ABHD6: variants seen among roughly 807,000 people sequenced by gnomAD.
ABHD6 encodes abhydrolase domain containing 6, acylglycerol lipase.
In ABHD6, 33 loss-of-function variants were observed where a neutral mutation model predicts 38.8. The observed-to-expected ratio is 0.85, with a 90% CI of 0.64 to 1.14. The LOEUF (loss-of-function observed/expected upper bound fraction) is 1.14. Among genes scored for constraint, ABHD6 ranks in the 50% most tolerant of loss-of-function variants. The pLI is 0.00. For missense variants in ABHD6, 380 were observed against 422.6 expected, an observed-to-expected ratio of 0.90 and a Z score of 0.88; for synonymous variants, 147 against 161.6, an observed-to-expected ratio of 0.91 and a Z score of 0.69.
intron 9 of ABHD6, among the ~76,000 whole-genome samples, chr3:58,291,241 GGCAGTGTGCACCTGCAATC>G (rs2097462568): frequency 6.6e-6 from 1 of 150,994 alleles, no homozygotes; most frequent in Non-Finnish European, 1.5e-5. Context: ...AGTCAGGCGT[GGCAGTGTGCACCTGCAATC>G]GCAGGCACTC....
chr3:58,264,414 C>T lies in ABHD6; in HGVS notation c.120-2775C>T, dbSNP rs1056032433. On this transcript the variant is annotated intron_variant, in intron 3 of 9. Coordinates refer to ENST00000478253, the MANE Select transcript of ABHD6 (RefSeq NM_001320126.2). The stretch of plus-strand genomic sequence containing the variant: ...ACACACACACACACACACACACACA[C>T]ACACACACACACACACACACACACA... Among the ~76,000 whole-genome samples, 20 of 134,186 alleles carry T rather than the reference C, an allele frequency of 1.5e-4. 1 individual carries two copies. The highest frequency in any genetic ancestry group is 1.3e-3 in the Admixed American group (18 of 14,144). The allele number at this position is 134,186 out of a possible 152,430, so 88.0% of individuals were successfully genotyped here. A position where few individuals can be genotyped will look rare whatever the true frequency, so the allele number is the denominator to read the frequency against.
At chr3:58,291,112 A>G (rs1390238453) in intron 9 of ABHD6, among the ~76,000 whole-genome samples, 2 of 150,852 alleles carry the variant, frequency 1.3e-5, no homozygotes, top group African/African-American at 4.9e-5. Flanking sequence ...TGAACCAGAC[A>G]CCGTCTGCAA....
intron 1 of ABHD6, among the ~76,000 whole-genome samples, chr3:58,242,723 G>A (rs1038536802): frequency 5.9e-5 from 9 of 151,636 alleles, no homozygotes; most frequent in African/African-American, 2.2e-4. Flanking sequence ...TCTTTTTATT[G>A]TTATTATTAT....
Position 58,256,357 on chromosome 3 carries a change from T to A in ABHD6, c.-25-205T>A, listed in dbSNP as rs76515349. Reference sequence around the variant, plus strand: ...TGTCCTTTATAATGTTTTTTTTTTTTACAAATCCAGGCTCCTCTGAAAAGT... The same window carrying A: ...TGTCCTTTATAATGTTTTTTTTTTTAACAAATCCAGGCTCCTCTGAAAAGT... On this transcript the variant is annotated intron_variant, in intron 2 of 9. Coordinates refer to ENST00000478253, the MANE Select transcript of ABHD6 (RefSeq NM_001320126.2). The surrounding 1 kb of genome is among the most constrained non-coding windows in gnomAD (Gnocchi z 4.3). 1.4e-5 allele frequency among the ~76,000 whole-genome samples: 2 copies of A among 140,164 alleles called. No individual in the cohort carries two copies. Among genetic ancestry groups the A allele is most frequent in the Admixed American group, 7.2e-5 (1 of 13,982 alleles). 92.0% of individuals were successfully genotyped at this position (140,164 alleles called of 152,430 possible).
intron 5 of ABHD6, 47 bp from the exon 6 acceptor site, chr3:58,270,885 T>C (rs2097444340): frequency 7.1e-6 from 11 of 1,540,324 alleles, no homozygotes; most frequent in Non-Finnish European, 9.6e-6. Context: ...ACCATTGCCA[T>C]TGTCTACAGC....
intron 1 of ABHD6, among the ~76,000 whole-genome samples, chr3:58,239,546 C>T (rs1394422811): frequency 1.3e-5 from 2 of 152,114 alleles, no homozygotes; most frequent in Non-Finnish European, 2.9e-5. Context: ...TTTGCCTTTT[C>T]GACACATTCT....
chr3:58,268,679 T>A (rs1327916890), intron 4 of ABHD6, among the ~76,000 whole-genome samples: 2 of 151,852 alleles, frequency 1.3e-5, no homozygotes, highest in African/African-American at 4.9e-5. Flanking sequence ...CATGCCTTGA[T>A]GAACTTCCTG....
chr3:58,240,950 G>A (rs544602568), intron 1 of ABHD6, among the ~76,000 whole-genome samples: 25 of 151,946 alleles, frequency 1.6e-4, no homozygotes, highest in African/African-American at 5.3e-4. Flanking sequence ...GGCTGGTCTC[G>A]AACTCCCGAC....
At chr3:58,275,479 G>A (rs1451008654) in intron 7 of ABHD6, among the ~76,000 whole-genome samples, 2 of 151,790 alleles carry the variant, frequency 1.3e-5, no homozygotes. Context: ...ATAGGTGTGC[G>A]CCACCACGCC....
intron 7 of ABHD6, among the ~76,000 whole-genome samples, chr3:58,278,392 G>T (rs556254945): frequency 6.6e-6 from 1 of 152,184 alleles, no homozygotes; most frequent in African/African-American, 2.4e-5. Context: ...TTGCGTAGAG[G>T]TGTTTATAGT....
intron 6 of ABHD6, 142 bp from the exon 7 acceptor site, chr3:58,274,516 C>T (rs2097447339): frequency 2.4e-6 from 2 of 816,802 alleles, no homozygotes; most frequent in Non-Finnish European, 3.7e-6. Context: ...GCAAGGATGG[C>T]AGTACCAACA....
intron 1 of ABHD6, among the ~76,000 whole-genome samples, chr3:58,243,333 C>T (rs1044261447): frequency 2.0e-5 from 3 of 152,112 alleles, no homozygotes; most frequent in South Asian, 4.2e-4. Flanking sequence ...TTTACAGTCC[C>T]GCCCAGCCAG....
In ABHD6 at chr3:58,238,600, A is replaced by C. The variant is rs577212488; in HGVS notation, c.-91+684A>C. 1 of 152,404 alleles carries C rather than the reference A, an allele frequency of 6.6e-6. No individual in the cohort carries two copies. The highest frequency in any genetic ancestry group is 2.4e-5 in the African/African-American group (1 of 41,454). The allele number at this position is 152,404 out of a possible 1,614,324, so 9.4% of individuals were successfully genotyped here. On this transcript the variant is annotated intron_variant, in intron 1 of 9. Transcript: ENST00000478253. The surrounding 1 kb of genome is among the most constrained non-coding windows in gnomAD (Gnocchi z 6.9). ...GATTGTGTAACGCCGGCTGCAGGGCAGTGCACGTGCAGGGTTTGCGCCCCT... is the reference window on the plus strand; with the variant it reads ...GATTGTGTAACGCCGGCTGCAGGGCCGTGCACGTGCAGGGTTTGCGCCCCT...
In ABHD6 at chr3:58,267,507, A is replaced by G. The variant is rs2097441959; in HGVS notation, c.276+162A>G. Among the ~76,000 whole-genome samples the G allele has an allele frequency of 1.3e-5, 2 of 152,090 alleles. No homozygotes were observed. Among genetic ancestry groups the G allele is most frequent in the Non-Finnish European group, 2.9e-5 (2 of 68,014 alleles). On this transcript the variant is annotated intron_variant, in intron 4 of 9. Coordinates refer to ENST00000478253, the MANE Select transcript of ABHD6 (RefSeq NM_001320126.2). This position sits in a 1 kb window ranked among gnomAD's most constrained non-coding sequence, Gnocchi z 4.3. ...TAAAGAAACCCTGTCTCTACAAAAA[A>G]TTAAAAAATTAGCCAGGTGTGGTGG...
intron 1 of ABHD6, among the ~76,000 whole-genome samples, chr3:58,248,278 C>A (rs569708732): frequency 6.6e-6 from 1 of 152,324 alleles, no homozygotes; most frequent in African/African-American, 2.4e-5. Context: ...ATTTACTTAA[C>A]TATAAGTTCA....
rs1017730587 is a variant in ABHD6 at position 58,279,723 on chromosome 3, C to T, written c.681+4908C>T. ...AATTTGGCATGTTTTTGCAGTGGCT[C>T]ATACCGGTTGTTCCTTTCCATGTTT... On this transcript the variant is annotated intron_variant, in intron 7 of 9. Coordinates refer to ENST00000478253, the MANE Select transcript of ABHD6 (RefSeq NM_001320126.2). Among the ~76,000 whole-genome samples the T allele has an allele frequency of 5.9e-5, 9 of 152,244 alleles. 1 individual carries two copies. In the South Asian group the frequency reaches 1.0e-3, roughly 18 times the overall value.
chr3:58,254,699 G>T (rs1441877920), intron 2 of ABHD6, among the ~76,000 whole-genome samples: 2 of 152,046 alleles, frequency 1.3e-5, no homozygotes, highest in Non-Finnish European at 2.9e-5. Context: ...CAGATGGCAG[G>T]GAATCAAGGC....
rs561970989 is a variant in ABHD6 at position 58,266,651 on chromosome 3, T to A, written c.120-538T>A. 6.6e-6 allele frequency among the ~76,000 whole-genome samples: 1 copy of A among 152,350 alleles called. No homozygotes were observed. Among genetic ancestry groups the A allele is most frequent in the South Asian group, 2.1e-4 (1 of 4,834 alleles). ...GTATCTTACAAAGTGCACCTCTGAT[T>A]GAATTAATTATCTCTCATCTTGGAG... On this transcript the variant is annotated intron_variant, in intron 3 of 9. Transcript: ENST00000478253. This position sits in a 1 kb window ranked among gnomAD's most constrained non-coding sequence, Gnocchi z 4.0.
chr3:58,270,519 A>G (rs1282310862), intron 5 of ABHD6, among the ~76,000 whole-genome samples: 1 of 151,484 alleles, frequency 6.6e-6, no homozygotes, highest in Non-Finnish European at 1.5e-5. Context: ...AAAAAAAAAA[A>G]AAAAATCAGC....
Sources: gnomAD v4.1 joint callset for allele counts (sites outside exome capture counted in the v4.1 genomes callset) on GRCh38, gnomAD v4.1.1 for gene constraint, Gnocchi (gnomAD v3.1) non-coding constraint, MANE v1.5 for transcripts, NCBI Gene and HGNC (gene_info 2026-07-23, HGNC 2026-07-21) for gene names.